Variants in MYO3B observed in about 807,000 individuals in gnomAD.
The protein encoded by MYO3B is myosin-IIIb.
In MYO3B, 156 loss-of-function variants were observed where a neutral mutation model predicts 174.6. The ratio of observed to expected loss-of-function variants is 0.89; its 90% CI spans 0.78 to 1.02. The LOEUF (loss-of-function observed/expected upper bound fraction) is 1.02. Among genes scored for constraint, MYO3B ranks in the 50% least tolerant of loss-of-function variants. MYO3B has a pLI of 0.00. For synonymous variants in MYO3B, 563 were observed against 569.1 expected, an observed-to-expected ratio of 0.99 and a Z score of 0.15; for missense variants, 1,632 against 1,639.4, an observed-to-expected ratio of 1.00 and a Z score of 0.08.
rs770212469 is a variant in MYO3B, at chr2:170,466,561, G to A, written c.2864G>A (p.Arg955His). 2.0e-5 allele frequency: 33 copies of A among 1,614,052 alleles called. 1 individual carries two copies. The highest frequency in any genetic ancestry group is 1.6e-4 in the Middle Eastern group (1 of 6,084). The part of the protein sequence containing the change: ...KMVVGQPHFV[R>H]CIKPNDDREA... The stretch of plus-strand genomic sequence containing the variant: ...GTGGTTGGACAGCCCCACTTTGTGC[G>A]CTGCATTAAACCCAATGATGACCGA... The change falls in exon 25 of 35, where the codon CGC becomes CAC. Residue 955 changes from arginine (R) to histidine (H), a missense_variant. Physicochemically the swap from Arg to His is conservative, Grantham distance 29. Coordinates refer to ENST00000408978, the MANE Select transcript of MYO3B (RefSeq NM_138995.5).
At chr2:170,390,267 A>C (rs1299078689) in intron 14 of MYO3B, among the ~76,000 whole-genome samples, 2 of 152,100 alleles carry the variant, frequency 1.3e-5, no homozygotes, top group Non-Finnish European at 2.9e-5. Flanking sequence ...TGTCTCTACA[A>C]ACACAAAAAC....
intron 7 of MYO3B, among the ~76,000 whole-genome samples, chr2:170,283,248 T>A (rs887340109): frequency 1.3e-5 from 2 of 152,038 alleles, no homozygotes; most frequent in East Asian, 1.9e-4. Flanking sequence ...GTGGCTAGGG[T>A]TATAGGAGCC....
chr2:170,223,555 C>A (rs771505276), intron 6 of MYO3B, among the ~76,000 whole-genome samples: 1 of 152,134 alleles, frequency 6.6e-6, no homozygotes, highest in African/African-American at 2.4e-5. Flanking sequence ...TATTTTGTGA[C>A]TTATTCAACT....
intron 7 of MYO3B, among the ~76,000 whole-genome samples, chr2:170,264,464 A>C (rs1180824988): frequency 1.3e-5 from 2 of 152,226 alleles, no homozygotes; most frequent in Non-Finnish European, 2.9e-5. Flanking sequence ...TGGTCAGGAC[A>C]AATCACAGGG....
intron 30 of MYO3B, among the ~76,000 whole-genome samples, chr2:170,538,640 GT>G (rs1432979778): frequency 6.6e-6 from 1 of 152,166 alleles, no homozygotes; most frequent in Non-Finnish European, 1.5e-5. Context: ...TGTGAGTTTT[GT>G]CTGGGGGCTT....
chr2:170,524,430 TAAC>T, intron 30 of MYO3B: 2 of 404,224 alleles, frequency 4.9e-6, no homozygotes, highest in Non-Finnish European at 9.7e-6. Flanking sequence ...CCAACAATAA[TAAC>T]AACTGCTAGC....
intron 25 of MYO3B, 102 bp from the exon 26 acceptor site, chr2:170,498,490 T>C: frequency 1.3e-6 from 1 of 746,074 alleles, no homozygotes; most frequent in South Asian, 1.8e-5. Context: ...TCGACAAATA[T>C]TTACTATTAA....
At chr2:170,387,788 G>T (rs1181863931) in intron 14 of MYO3B, among the ~76,000 whole-genome samples, 6 of 152,100 alleles carry the variant, frequency 3.9e-5, no homozygotes, top group Admixed American at 2.6e-4. Context: ...GATACTCACT[G>T]TGTGACATTG....
intron 32 of MYO3B, among the ~76,000 whole-genome samples, chr2:170,560,341 C>T (rs992454890): frequency 6.6e-6 from 1 of 152,074 alleles, no homozygotes; most frequent in Admixed American, 6.6e-5. Context: ...ATTAATCCAC[C>T]TAAATGGTTT....
intron 32 of MYO3B, among the ~76,000 whole-genome samples, chr2:170,567,027 G>A (rs187401562): frequency 2.6e-3 from 398 of 152,186 alleles, no homozygotes; most frequent in African/African-American, 8.5e-3. Context: ...GAGACACTTA[G>A]CCAAGTGGCA....
At chr2:170,307,242 CAAAAAAA>C (rs10718469) in intron 7 of MYO3B, among the ~76,000 whole-genome samples, 2,898 of 57,732 alleles carry the variant, frequency 0.05, 124 homozygotes, top group African/African-American at 0.15. Context: ...GGCCTTATCT[CAAAAAAA>C]AAAAAAAAAA....
At chr2:170,478,776 G>C (rs1360608736) in intron 25 of MYO3B, among the ~76,000 whole-genome samples, 1 of 148,974 alleles carries the variant, frequency 6.7e-6, no homozygotes, top group East Asian at 2.0e-4. Context: ...TCACCATGTT[G>C]GCCAGGCTGA....
intron 28 of MYO3B, among the ~76,000 whole-genome samples, chr2:170,503,992 A>G (rs535131047): frequency 6.6e-6 from 1 of 152,348 alleles, no homozygotes; most frequent in Middle Eastern, 3.4e-3. Context: ...ATTTGAAGGC[A>G]TAATTGCGTT....
At position 170,519,892 on chromosome 2, in the gene MYO3B, GA is replaced by G. The variant is rs760066813; in HGVS notation, c.3575+354del. ...GGAGGCTGAGGCAGGAGAATCACTTGAACCATGGAGGTGGAGGTTGCAGTGA... is the reference window on the plus strand; with the variant it reads ...GGAGGCTGAGGCAGGAGAATCACTTGACCATGGAGGTGGAGGTTGCAGTGA... On this transcript the variant is annotated intron_variant, in intron 30 of 34. Coordinates refer to ENST00000408978, the MANE Select transcript of MYO3B (RefSeq NM_138995.5). The G allele has an allele frequency of 2.2e-5, 4 of 185,574 alleles. No individual in the cohort carries two copies. In the East Asian group the frequency reaches 5.1e-4, roughly 24 times the overall value. 11.5% of individuals were successfully genotyped at this position (185,574 alleles called of 1,614,324 possible).
intron 1 of MYO3B, among the ~76,000 whole-genome samples, chr2:170,193,897 A>T (rs1053092364): frequency 6.6e-6 from 1 of 152,082 alleles, no homozygotes; most frequent in African/African-American, 2.4e-5. Flanking sequence ...AAAATGAGGA[A>T]TTTTCACCCT....
intron 32 of MYO3B, among the ~76,000 whole-genome samples, chr2:170,617,342 C>A (rs1695524736): frequency 6.6e-6 from 1 of 152,160 alleles, no homozygotes; most frequent in Admixed American, 6.5e-5. Context: ...TATTAAAATA[C>A]TATGATATTG....
intron 18 of MYO3B, among the ~76,000 whole-genome samples, 195 bp downstream of exon 18, chr2:170,401,886 T>G (rs910614029): frequency 6.9e-6 from 1 of 145,372 alleles, no homozygotes; most frequent in African/African-American, 2.5e-5. Context: ...CACTGCAACC[T>G]CCAACTCCAG....
chr2:170,375,966 A>C (rs551314778), intron 9 of MYO3B, among the ~76,000 whole-genome samples: 1 of 152,268 alleles, frequency 6.6e-6, no homozygotes, highest in South Asian at 2.1e-4. Flanking sequence ...TAAGTTAGTT[A>C]ATATTAATTT....
intron 1 of MYO3B, among the ~76,000 whole-genome samples, chr2:170,192,645 A>C (rs1214261678): frequency 2.6e-5 from 4 of 151,384 alleles, no homozygotes; most frequent in Non-Finnish European, 5.9e-5. Flanking sequence ...AATATTAAAA[A>C]AAATTTCTTT....
Sources: allele counts gnomAD v4.1 joint callset (sites outside exome capture counted in the v4.1 genomes callset), GRCh38; gene constraint gnomAD v4.1.1; transcripts MANE v1.5; gene names NCBI Gene and HGNC (gene_info 2026-07-23, HGNC 2026-07-21).